Variants in GHR observed in about 807,000 individuals in gnomAD.
GHR encodes GH receptor.
In GHR, 35 loss-of-function variants were observed where a neutral mutation model predicts 67.1. The ratio of observed to expected loss-of-function variants is 0.52; its 90% CI spans 0.40 to 0.69. The LOEUF is 0.69. Ranked by LOEUF, GHR falls within the 30% of genes least tolerant of loss-of-function variation. GHR has a pLI of 0.00. For missense variants in GHR, 792 were observed against 764.6 expected (o/e 1.04, Z -0.42); for synonymous variants, 272 against 269.1 (o/e 1.01, Z -0.10).
At chr5:42,457,386 T>C (rs1744306167) in intron 1 of GHR, among the ~76,000 whole-genome samples, 1 of 152,226 alleles carries the variant, frequency 6.6e-6, no homozygotes, top group African/African-American at 2.4e-5. Flanking sequence ...ATATGGCATA[T>C]ATGATGGCAA....
intron 3 of GHR, among the ~76,000 whole-genome samples, chr5:42,636,575 C>G (rs2112772353): frequency 6.6e-6 from 1 of 152,328 alleles, no homozygotes; most frequent in Non-Finnish European, 1.5e-5. Flanking sequence ...CTTCTGCACA[C>G]ATGAGTCTCT....
Position 42,671,828 on chromosome 5 carries a change from C to T in GHR, c.137-17062C>T, listed in dbSNP as rs1247378220. Among the ~76,000 whole-genome samples, 59 of 151,462 alleles carry T rather than the reference C, an allele frequency of 3.9e-4. 3 individuals are homozygous for T. The East Asian group carries it at 9.8e-3, about 25-fold the overall frequency. On this transcript the variant is annotated intron_variant, in intron 3 of 9. Coordinates refer to ENST00000230882, the MANE Select transcript of GHR (RefSeq NM_000163.5). ...AAAATTAGCCGGGCGTAGGGGCGGG[C>T]GCCTGTAGTCCCAGCTACTTGGGAG...
intron 1 of GHR, among the ~76,000 whole-genome samples, chr5:42,495,763 G>T (rs1316380548): frequency 2.0e-5 from 3 of 152,118 alleles, no homozygotes; most frequent in Non-Finnish European, 4.4e-5. Flanking sequence ...TCTAATGGAG[G>T]TGAACTCAGG....
intron 5 of GHR, 41 bp from the exon 6 acceptor site, chr5:42,699,783 T>C: frequency 7.5e-7 from 1 of 1,340,292 alleles, no homozygotes; most frequent in Non-Finnish European, 1.1e-6. Flanking sequence ...TAATATTAAA[T>C]TGTGTCTGTC....
Position 42,699,824 on chromosome 5 carries a change from T to C in GHR, c.440T>C (p.Val147Ala), listed in dbSNP as rs1368073441. ...DEKCFSVDEI[V>A]QPDPPIALNW... Reference sequence around the variant, plus strand: ...ACTAATGCTCTGTTGAATTGCACAGTGCAACCAGATCCACCCATTGCCCTC... The same window carrying C: ...ACTAATGCTCTGTTGAATTGCACAGCGCAACCAGATCCACCCATTGCCCTC... The change falls in exon 6 of 10, where the codon GTG becomes GCG. Residue 147 changes from valine to alanine, a missense_variant and splice_region_variant. Physicochemically the swap from Val to Ala is moderately conservative, Grantham distance 64. Transcript: ENST00000230882. 1 of 1,598,798 alleles carries C rather than the reference T, an allele frequency of 6.3e-7. No homozygotes were observed. Among genetic ancestry groups the C allele is most frequent in the Admixed American group, 1.7e-5 (1 of 59,930 alleles).
chr5:42,470,152 A>T (rs973885221), intron 1 of GHR, among the ~76,000 whole-genome samples: 1 of 96,260 alleles, frequency 1.0e-5, no homozygotes, highest in Non-Finnish European at 2.1e-5. Flanking sequence ...TATACTATAT[A>T]TTATAATATA....
chr5:42,501,700 C>G (rs1005380381), intron 1 of GHR, among the ~76,000 whole-genome samples: 8 of 152,164 alleles, frequency 5.3e-5, no homozygotes, highest in African/African-American at 1.9e-4. Flanking sequence ...GCTGTAATGT[C>G]ACCTGGGGAG....
intron 2 of GHR, among the ~76,000 whole-genome samples, chr5:42,597,894 C>T (rs901482939): frequency 5.3e-5 from 8 of 152,064 alleles, no homozygotes; most frequent in Non-Finnish European, 8.8e-5. Flanking sequence ...CAAGACAATC[C>T]GGGTAAGATT....
At chr5:42,467,014 C>T in intron 1 of GHR, 1 of 1,571,958 alleles carries the variant, frequency 6.4e-7, no homozygotes, top group South Asian at 1.1e-5. Context: ...GAGGCTCAAC[C>T]TCTGTCTGAA....
chr5:42,425,818 T>C (rs943962151), intron 1 of GHR, among the ~76,000 whole-genome samples: 1 of 152,042 alleles, frequency 6.6e-6, no homozygotes, highest in Non-Finnish European at 1.5e-5. Context: ...AACATTTAGC[T>C]TTTTTTTATT....
At chr5:42,531,485 T>C (rs984189316) in intron 1 of GHR, among the ~76,000 whole-genome samples, 7 of 151,956 alleles carry the variant, frequency 4.6e-5, no homozygotes, top group African/African-American at 1.7e-4. Flanking sequence ...AGACTTTTTT[T>C]TTTTTAGAGT....
intron 4 of GHR, 96 bp downstream of exon 4, chr5:42,689,115 G>T (rs1757301041): frequency 9.3e-7 from 1 of 1,070,724 alleles, no homozygotes; most frequent in African/African-American, 1.6e-5. Context: ...GTGATTTGTT[G>T]TGATTTATGC....
At chr5:42,495,906 G>A (rs1272754721) in intron 1 of GHR, among the ~76,000 whole-genome samples, 1 of 152,062 alleles carries the variant, frequency 6.6e-6, no homozygotes, top group Non-Finnish European at 1.5e-5. Context: ...ATCTATGCAT[G>A]CCTTCTTTGG....
intron 1 of GHR, among the ~76,000 whole-genome samples, chr5:42,509,689 C>A (rs376280487): frequency 2.6e-5 from 4 of 151,190 alleles, no homozygotes; most frequent in South Asian, 4.2e-4. Context: ...GTCACCCCAA[C>A]TTCTATTAGA....
chr5:42,620,730 A>G (rs1477119549), intron 2 of GHR, among the ~76,000 whole-genome samples: 3 of 152,178 alleles, frequency 2.0e-5, no homozygotes, highest in Non-Finnish European at 4.4e-5. Flanking sequence ...GCAACTGAAC[A>G]CAGAACTGGG....
At chr5:42,716,183 C>A (rs202100181) in intron 8 of GHR, among the ~76,000 whole-genome samples, 3,703 of 147,080 alleles carry the variant, frequency 0.025, 329 homozygotes, top group East Asian at 0.16. Flanking sequence ...AAAAAAAAAA[C>A]AAAACAGCGA....
chr5:42,441,694 A>G (rs1446297309), intron 1 of GHR, among the ~76,000 whole-genome samples: 1 of 152,088 alleles, frequency 6.6e-6, no homozygotes, highest in Non-Finnish European at 1.5e-5. Context: ...TATTTTTAGT[A>G]GAGACGGGGT....
At chr5:42,468,631 C>T (rs1744849422) in intron 1 of GHR, 1 of 1,076,580 alleles carries the variant, frequency 9.3e-7, no homozygotes, top group Non-Finnish European at 1.4e-6. Flanking sequence ...GCAGCGGGTT[C>T]TTGCTGTCTT....
At chr5:42,540,317 T>C (rs1429641547) in intron 1 of GHR, among the ~76,000 whole-genome samples, 1 of 152,160 alleles carries the variant, frequency 6.6e-6, no homozygotes, top group Non-Finnish European at 1.5e-5. Context: ...GAAATATTTC[T>C]TTGAGAAGCT....
Sources: allele counts gnomAD v4.1 joint callset (sites outside exome capture counted in the v4.1 genomes callset), GRCh38; gene constraint gnomAD v4.1.1; transcripts MANE v1.5; gene names NCBI Gene and HGNC (gene_info 2026-07-23, HGNC 2026-07-21).